Variants in CNOT11 observed in about 807,000 individuals in gnomAD.
The protein encoded by CNOT11 is CCR4-NOT transcription complex subunit 11.
In CNOT11, 18 loss-of-function variants were observed where a neutral mutation model predicts 44.6. That is an observed-to-expected ratio of 0.40 (90% CI 0.28 to 0.60). The LOEUF is 0.60. Among genes scored for constraint, CNOT11 ranks in the 20% least tolerant of loss-of-function variants. The pLI is 0.38. For missense variants in CNOT11, 513 were observed against 677.0 expected, an observed-to-expected ratio of 0.76 and a Z score of 2.69; for synonymous variants, 291 against 270.9, an observed-to-expected ratio of 1.07 and a Z score of -0.73.
intron 3 of CNOT11, 61 bp from the exon 4 acceptor site, chr2:101,264,775 AGTGAAATGT>A (rs747467588): frequency 4.2e-6 from 5 of 1,204,346 alleles, no homozygotes; most frequent in Non-Finnish European, 6.1e-6. Flanking sequence ...TACTTTATTA[AGTGAAATGT>A]GTGAGATGTG....
rs1681673633 is a variant in CNOT11, at chr2:101,253,509, A to G, written c.514+31A>G. The G allele has an allele frequency of 5.0e-6, 7 of 1,405,348 alleles. No individual in the cohort carries two copies. The South Asian group carries it at 7.6e-5, about 15-fold the overall frequency. 87.1% of individuals were successfully genotyped at this position (1,405,348 alleles called of 1,614,324 possible). A position where few individuals can be genotyped will look rare whatever the true frequency, so the allele number is the denominator to read the frequency against. ...TCCTGAAGCCAGCTGTGCCGTGTGG[A>G]TAGCGTTAGATTCCGCAGCTTTCCA... On this transcript the variant is annotated intron_variant, in intron 1 of 6. Coordinates refer to ENST00000289382, the MANE Select transcript of CNOT11 (RefSeq NM_017546.5). The surrounding 1 kb of genome is among the most constrained non-coding windows in gnomAD (Gnocchi z 4.3).
intron 2 of CNOT11, among the ~76,000 whole-genome samples, chr2:101,261,898 G>A (rs1385541212): frequency 1.4e-5 from 2 of 145,316 alleles, no homozygotes; most frequent in Admixed American, 7.0e-5. Context: ...CCAGGCTGGA[G>A]TGCAGTGGCG....
chr2:101,269,502 G>A lies in CNOT11; in HGVS notation c.*89G>A. On this transcript the variant is annotated 3_prime_UTR_variant, in exon 7 of 7. Coordinates refer to ENST00000289382, the MANE Select transcript of CNOT11 (RefSeq NM_017546.5). The surrounding 1 kb of genome is among the most constrained non-coding windows in gnomAD (Gnocchi z 4.8). ...GTTAAAACCCTGAGTGGATTGCTTGGTTTAATGCATATAAACAGTACTTTA... is the reference window on the plus strand; with the variant it reads ...GTTAAAACCCTGAGTGGATTGCTTGATTTAATGCATATAAACAGTACTTTA... 6 of 1,150,748 alleles carry A rather than the reference G, an allele frequency of 5.2e-6. No homozygotes were observed. The highest frequency in any genetic ancestry group is 7.6e-6 in the Non-Finnish European group (6 of 790,884). 71.3% of individuals were successfully genotyped at this position (1,150,748 alleles called of 1,614,324 possible).
At position 101,269,857 on chromosome 2, in the gene CNOT11, A is replaced by T. The variant is rs1682071398; in HGVS notation, c.*444A>T. ...GTTTCTGAACCATCAAGAGGCAAAC[A>T]AACAGGAGTTTGTTTCTTGAACCTG... is the stretch of plus-strand genomic sequence containing the variant. On this transcript the variant is annotated 3_prime_UTR_variant, in exon 7 of 7. Coordinates refer to ENST00000289382, the MANE Select transcript of CNOT11 (RefSeq NM_017546.5). This position sits in a 1 kb window ranked among gnomAD's most constrained non-coding sequence, Gnocchi z 4.8. The T allele has an allele frequency of 6.4e-6, 1 of 155,174 alleles. No homozygotes were observed. Among genetic ancestry groups the T allele is most frequent in the Admixed American group, 6.4e-5 (1 of 15,666 alleles). 9.6% of individuals were successfully genotyped at this position (155,174 alleles called of 1,614,324 possible).
chr2:101,269,353 C>T lies in CNOT11; in HGVS notation c.1473C>T (p.Phe491=), dbSNP rs1240790305. The change falls in exon 7 of 7, where the codon TTC becomes TTT. Residue 491 remains phenylalanine (F), a synonymous_variant. Transcript: ENST00000289382. The surrounding 1 kb of genome is among the most constrained non-coding windows in gnomAD (Gnocchi z 4.8). ...GGATACGAGAAGCTGCTGGTCTTTT[C>T]CGGTTGTTGAAGACATTGGATACTG... The part of the protein sequence containing the change: ...FSRIREAAGL[F]RLLKTLDTGE... 1 of 1,614,024 alleles carries T rather than the reference C, an allele frequency of 6.2e-7. No individual in the cohort carries two copies. The highest frequency in any genetic ancestry group is 1.7e-5 in the Admixed American group (1 of 60,000).
intron 2 of CNOT11, among the ~76,000 whole-genome samples, chr2:101,258,769 G>A (rs375205331): frequency 1.3e-5 from 2 of 148,664 alleles, no homozygotes; most frequent in Non-Finnish European, 3.0e-5. Context: ...AGCTGAGATT[G>A]TGCAACTGCA....
At chr2:101,263,301 ATCT>A (rs1170781169) in intron 3 of CNOT11, among the ~76,000 whole-genome samples, 5 of 151,950 alleles carry the variant, frequency 3.3e-5, no homozygotes, top group East Asian at 3.8e-4. Context: ...TACCTGTTAA[ATCT>A]TCTTATTGCT....
chr2:101,263,680 T>C (rs1681917819), intron 3 of CNOT11, among the ~76,000 whole-genome samples: 1 of 152,278 alleles, frequency 6.6e-6, no homozygotes, highest in Non-Finnish European at 1.5e-5. Flanking sequence ...TTGTACCATT[T>C]GGTTTACAGT....
Position 101,269,417 on chromosome 2 carries a change from C to G in CNOT11, c.*4C>G, listed in dbSNP as rs997530825. ...TGAGACCAAAATGTCAAAATAATAC[C>G]TCATCAGAACCATCCCATCCATTCA... is the stretch of plus-strand genomic sequence containing the variant. On this transcript the variant is annotated 3_prime_UTR_variant, in exon 7 of 7. Coordinates refer to ENST00000289382, the MANE Select transcript of CNOT11 (RefSeq NM_017546.5). This position sits in a 1 kb window ranked among gnomAD's most constrained non-coding sequence, Gnocchi z 4.8. 1 of 1,612,034 alleles carries G rather than the reference C, an allele frequency of 6.2e-7. No individual in the cohort carries two copies. Among genetic ancestry groups the G allele is most frequent in the Non-Finnish European group, 8.5e-7 (1 of 1,178,398 alleles).
In CNOT11 at chr2:101,262,564, A is replaced by G; in HGVS notation, c.705A>G (p.Gln235=). ...LAERQSELPT[Q]SKASFPSILS... Reference sequence around the variant, plus strand: ...AACGCCAATCTGAATTGCCAACGCAAAGCAAAGCGAGCTTCCCCAGTATTC... The same window carrying G: ...AACGCCAATCTGAATTGCCAACGCAGAGCAAAGCGAGCTTCCCCAGTATTC... The change falls in exon 3 of 7, where the codon CAA becomes CAG. Residue 235 remains glutamine (Q), a synonymous_variant. Transcript: ENST00000289382. The G allele has an allele frequency of 6.2e-7, 1 of 1,614,122 alleles. No individual in the cohort carries two copies. Among genetic ancestry groups the G allele is most frequent in the Non-Finnish European group, 8.5e-7 (1 of 1,180,004 alleles).
intron 2 of CNOT11, 101 bp from the exon 3 acceptor site, chr2:101,262,438 C>T: frequency 1.0e-6 from 1 of 998,046 alleles, no homozygotes; most frequent in Non-Finnish European, 1.5e-6. Context: ...CTGAATCTGG[C>T]CCTTTGTTTT....
At chr2:101,258,985 T>C (rs2104363444) in intron 2 of CNOT11, among the ~76,000 whole-genome samples, 1 of 152,048 alleles carries the variant, frequency 6.6e-6, no homozygotes, top group South Asian at 2.1e-4. Flanking sequence ...AATTAAAAAC[T>C]TAGCCGGGCG....
chr2:101,268,625 A>G (rs1682045020), intron 5 of CNOT11, among the ~76,000 whole-genome samples: 2 of 152,152 alleles, frequency 1.3e-5, no homozygotes, highest in South Asian at 4.1e-4. Flanking sequence ...GCATATATTA[A>G]TCTTCTTTTG....
Position 101,264,922 on chromosome 2 carries a change from A to G in CNOT11, c.910A>G (p.Thr304Ala), listed in dbSNP as rs928558728. The change falls in exon 4 of 7, where the codon ACG becomes GCG. Residue 304 changes from threonine to alanine, a missense_variant. Thr to Ala is a moderately conservative substitution (Grantham distance 58). Coordinates refer to ENST00000289382, the MANE Select transcript of CNOT11 (RefSeq NM_017546.5). ...CEDELAWLNP[T>A]EPDHAIQWDK... The stretch of plus-strand genomic sequence containing the variant: ...GGATGAACTTGCTTGGCTAAACCCC[A>G]CGGAGCCTGACCACGCGATCCAGTG... 4 of 1,613,986 alleles carry G rather than the reference A, an allele frequency of 2.5e-6. No homozygotes were observed. Among genetic ancestry groups the G allele is most frequent in the Non-Finnish European group, 3.4e-6 (4 of 1,180,022 alleles).
At chr2:101,268,797 G>A (rs760907567) in intron 5 of CNOT11, among the ~76,000 whole-genome samples, 4 of 152,108 alleles carry the variant, frequency 2.6e-5, no homozygotes, top group Non-Finnish European at 5.9e-5. Flanking sequence ...AATACTCAGG[G>A]ACAGGGCTCA....
intron 3 of CNOT11, 50 bp from the exon 4 acceptor site, chr2:101,264,795 T>C: frequency 7.1e-7 from 1 of 1,416,802 alleles, no homozygotes; most frequent in South Asian, 1.2e-5. Flanking sequence ...GTGAGATGTG[T>C]AGAGATGTTA....
At chr2:101,265,899 T>C (rs1046072899) in intron 4 of CNOT11, among the ~76,000 whole-genome samples, 2 of 152,240 alleles carry the variant, frequency 1.3e-5, no homozygotes, top group Non-Finnish European at 2.9e-5. Flanking sequence ...GTTTGCACAC[T>C]TTTGAGTTAG....
chr2:101,268,760 C>T (rs1404897606), intron 5 of CNOT11, among the ~76,000 whole-genome samples: 2 of 152,136 alleles, frequency 1.3e-5, no homozygotes. Flanking sequence ...ATTCCAATAA[C>T]AGACCATGAC....
In CNOT11 at chr2:101,253,458, C is replaced by T. The variant is rs1317449803; in HGVS notation, c.494C>T (p.Pro165Leu). 3.3e-6 allele frequency: 5 copies of T among 1,500,388 alleles called. No individual in the cohort carries two copies. Among genetic ancestry groups the T allele is most frequent in the Admixed American group, 4.6e-5 (2 of 43,518 alleles). The allele number at this position is 1,500,388 out of a possible 1,614,324, so 92.9% of individuals were successfully genotyped here. A position where few individuals can be genotyped will look rare whatever the true frequency, so the allele number is the denominator to read the frequency against. ...CCGCCCGCCCGCGGCGGCCAGGAAC[C>T]CGACCGCCCTCCGCTCTCAGGTACC... The part of the protein sequence containing the change: ...PAPPARGGQE[P>L]DRPPLSGFLP... The change falls in exon 1 of 7, where the codon CCC becomes CTC. Residue 165 changes from proline (P) to leucine (L), a missense_variant. Pro to Leu is a moderately conservative substitution (Grantham distance 98). This residue lies in a region of CNOT11 where 259 missense variants were observed against 265.7 expected (regional missense o/e 0.97). Transcript: ENST00000289382. The surrounding 1 kb of genome is among the most constrained non-coding windows in gnomAD (Gnocchi z 4.3).
Sources: allele counts gnomAD v4.1 joint callset (sites outside exome capture counted in the v4.1 genomes callset), GRCh38; gene constraint gnomAD v4.1.1; regional missense constraint gnomAD v4.1.1; non-coding constraint Gnocchi (gnomAD v3.1); transcripts MANE v1.5; gene names NCBI Gene and HGNC (gene_info 2026-07-23, HGNC 2026-07-21).